Variants in SCAPER observed in about 807,000 individuals in gnomAD.
SCAPER encodes S phase cyclin A-associated protein in the endoplasmic reticulum.
SCAPER carries 98 observed loss-of-function variants against 182.2 expected under a neutral mutation model. That is an observed-to-expected ratio of 0.54 (90% CI 0.46 to 0.64). The LOEUF is 0.64. Among genes scored for constraint, SCAPER ranks in the 30% least tolerant of loss-of-function variants. The pLI, the probability that SCAPER is intolerant of heterozygous loss-of-function variation, is 0.00. For synonymous variants in SCAPER, 605 were observed against 564.6 expected (o/e 1.07, Z -1.01); for missense variants, 1,432 against 1,690.0 (o/e 0.85, Z 2.68).
intron 21 of SCAPER, among the ~76,000 whole-genome samples, chr15:76,633,270 G>A (rs189328815): frequency 9.9e-5 from 15 of 152,254 alleles, no homozygotes; most frequent in South Asian, 4.2e-4. Context: ...GGACGCTGCC[G>A]AACAACAAAG....
At chr15:76,721,294 T>G (rs1289457513) in intron 17 of SCAPER, among the ~76,000 whole-genome samples, 1 of 152,162 alleles carries the variant, frequency 6.6e-6, no homozygotes, top group Non-Finnish European at 1.5e-5. Flanking sequence ...TAACTCTGTT[T>G]TGGTACCAGT....
At chr15:76,652,854 C>G (rs1315258023) in intron 21 of SCAPER, among the ~76,000 whole-genome samples, 2 of 151,964 alleles carry the variant, frequency 1.3e-5, no homozygotes, top group African/African-American at 4.8e-5. Context: ...CTATCCAACA[C>G]AGAACTAGAA....
rs116347833 is a variant in SCAPER at position 76,751,479 on chromosome 15, A to G, written c.1866+2329T>C. Reference sequence around the variant, plus strand: ...CTCCCACTTCCTAATTTCAAAACTTACAACAAAACTACAATCATGAAAACA... The same window carrying G: ...CTCCCACTTCCTAATTTCAAAACTTGCAACAAAACTACAATCATGAAAACA... On this transcript the variant is annotated intron_variant, in intron 15 of 31. Transcript: ENST00000563290. Among the ~76,000 whole-genome samples, 1,376 of 151,898 alleles carry G rather than the reference A, an allele frequency of 9.1e-3. 22 individuals are homozygous for G. Among genetic ancestry groups the G allele is most frequent in the African/African-American group, 0.032 (1,336 of 41,548 alleles).
chr15:76,626,936 G>C (rs1366084080), intron 21 of SCAPER, among the ~76,000 whole-genome samples: 2 of 152,176 alleles, frequency 1.3e-5, no homozygotes, highest in Non-Finnish European at 2.9e-5. Context: ...GAACATTGTG[G>C]AGACCCATTT....
intron 9 of SCAPER, among the ~76,000 whole-genome samples, chr15:76,772,850 A>T (rs1293935072): frequency 6.6e-6 from 1 of 151,888 alleles, no homozygotes; most frequent in Non-Finnish European, 1.5e-5. Context: ...TATGAATTTA[A>T]AACTCCCATC....
intron 15 of SCAPER, among the ~76,000 whole-genome samples, chr15:76,737,710 T>C (rs1469646849): frequency 6.6e-6 from 1 of 152,256 alleles, no homozygotes; most frequent in Admixed American, 6.5e-5. Context: ...TGCAAATCTC[T>C]TGTTTGGTGC....
rs148490726 is a variant in SCAPER, at chr15:76,514,175, T to C, written c.2839-9201A>G. 5.4e-3 allele frequency among the ~76,000 whole-genome samples: 823 copies of C among 152,288 alleles called. 13 individuals carry two copies. Among genetic ancestry groups the C allele is most frequent in the African/African-American group, 0.019 (783 of 41,548 alleles). ...TTCTCTGCATTCAGACATATGAAAC[T>C]GGAAAAAACTTTCACAGAAAGCTTG... is the stretch of plus-strand genomic sequence containing the variant. On this transcript the variant is annotated intron_variant, in intron 23 of 31. Coordinates refer to ENST00000563290, the MANE Select transcript of SCAPER (RefSeq NM_020843.4).
intron 26 of SCAPER, among the ~76,000 whole-genome samples, chr15:76,423,662 C>T (rs1276065736): frequency 6.6e-6 from 1 of 152,120 alleles, no homozygotes; most frequent in Non-Finnish European, 1.5e-5. Context: ...CTTCTGCTAG[C>T]TTTTGAATGT....
rs558451946 is a variant in SCAPER at position 76,505,878 on chromosome 15, C to T, written c.2839-904G>A. On this transcript the variant is annotated intron_variant, in intron 23 of 31. Coordinates refer to ENST00000563290, the MANE Select transcript of SCAPER (RefSeq NM_020843.4). ...TCAGGAGATGAGTGGATAAAGAAAACGTAGTACATATATGGAATGGAGTAC... is the reference window on the plus strand; with the variant it reads ...TCAGGAGATGAGTGGATAAAGAAAATGTAGTACATATATGGAATGGAGTAC... Among the ~76,000 whole-genome samples the T allele has an allele frequency of 9.1e-4, 138 of 152,092 alleles. 1 individual carries two copies. The highest frequency in any genetic ancestry group is 4.3e-4 in the African/African-American group (18 of 41,492).
At chr15:76,638,961 G>C (rs1467746780) in intron 21 of SCAPER, among the ~76,000 whole-genome samples, 1 of 152,150 alleles carries the variant, frequency 6.6e-6, no homozygotes, top group Non-Finnish European at 1.5e-5. Context: ...TAAGAAGCTT[G>C]CTCAAGGTTA....
chr15:76,857,563 G>A (rs993540800), intron 4 of SCAPER, among the ~76,000 whole-genome samples: 6 of 152,068 alleles, frequency 3.9e-5, no homozygotes, highest in Admixed American at 3.9e-4. Flanking sequence ...AAACTTCAAT[G>A]TAAGTGAGGA....
At chr15:76,747,305 C>T (rs903134893) in intron 15 of SCAPER, among the ~76,000 whole-genome samples, 4 of 152,056 alleles carry the variant, frequency 2.6e-5, no homozygotes, top group Admixed American at 6.5e-5. Flanking sequence ...AGATCAAGAC[C>T]ATCCTGGCCA....
chr15:76,902,677 CT>C (rs991977377), intron 1 of SCAPER, among the ~76,000 whole-genome samples: 36 of 152,194 alleles, frequency 2.4e-4, no homozygotes, highest in African/African-American at 8.7e-4. Flanking sequence ...AATACCCCCA[CT>C]TTCTAAGTGT....
intron 23 of SCAPER, among the ~76,000 whole-genome samples, chr15:76,513,646 TC>T (rs973992703): frequency 1.1e-3 from 163 of 152,294 alleles, no homozygotes; most frequent in African/African-American, 3.8e-3. Flanking sequence ...ACTTGGCACT[TC>T]TTATACAGTG....
Position 76,620,423 on chromosome 15 carries a change from T to C in SCAPER, c.2711+1341A>G, listed in dbSNP as rs974659764. 7.9e-5 allele frequency among the ~76,000 whole-genome samples: 12 copies of C among 152,228 alleles called. 1 individual carries two copies. Among genetic ancestry groups the C allele is most frequent in the African/African-American group, 1.2e-4 (5 of 41,474 alleles). ...CTACTAGTTCTGCACTCCATTCTCC[T>C]GATATACAGTATTTGTGATATACAG... On this transcript the variant is annotated intron_variant, in intron 22 of 31. Coordinates refer to ENST00000563290, the MANE Select transcript of SCAPER (RefSeq NM_020843.4).
At chr15:76,647,350 C>G (rs1156229884) in intron 21 of SCAPER, among the ~76,000 whole-genome samples, 1 of 152,188 alleles carries the variant, frequency 6.6e-6, no homozygotes, top group Admixed American at 6.5e-5. Context: ...GTCCTTTCTA[C>G]TACAAGCAAC....
At position 76,886,316 on chromosome 15, in the gene SCAPER, C is replaced by G. The variant is rs930628042; in HGVS notation, c.-59-2440G>C. 4.6e-5 allele frequency among the ~76,000 whole-genome samples: 7 copies of G among 151,948 alleles called. No homozygotes were observed. The South Asian group carries it at 1.5e-3, about 32-fold the overall frequency. ...GCAACATGGCAAAACCCTGCCTCTA[C>G]TAAAAATACAAAAATTAGCTGGGTG... On this transcript the variant is annotated intron_variant, in intron 1 of 31. Coordinates refer to ENST00000563290, the MANE Select transcript of SCAPER (RefSeq NM_020843.4).
chr15:76,420,235 C>CTTTTTTT, intron 26 of SCAPER, among the ~76,000 whole-genome samples: 1 of 116,912 alleles, frequency 8.6e-6, no homozygotes, highest in Non-Finnish European at 1.7e-5. Context: ...ATGTTTTTTC[C>CTTTTTTT]TTTTTTTTTT....
At chr15:76,390,439 C>T (rs1316181803) in intron 27 of SCAPER, among the ~76,000 whole-genome samples, 2 of 152,056 alleles carry the variant, frequency 1.3e-5, no homozygotes, top group Non-Finnish European at 2.9e-5. Flanking sequence ...AACTCTGGAC[C>T]CTGGCAAAGG....
Sources: gnomAD v4.1 joint callset for allele counts (sites outside exome capture counted in the v4.1 genomes callset) on GRCh38, gnomAD v4.1.1 for gene constraint, MANE v1.5 for transcripts, NCBI Gene and HGNC (gene_info 2026-07-23, HGNC 2026-07-21) for gene names.